The following AADACL4 variants were observed in gnomAD, a reference collection of about 807,000 sequenced individuals.
The protein encoded by AADACL4 is arylacetamide deacetylase-like 4.
In AADACL4, 9 loss-of-function variants were observed where a neutral mutation model predicts 14.1. That is an observed-to-expected ratio of 0.64 (90% CI 0.39 to 1.12). AADACL4 has a LOEUF of 1.12. Among genes scored for constraint, AADACL4 ranks in the 50% most tolerant of loss-of-function variants. AADACL4 has a pLI of 0.01. For missense variants in AADACL4, 531 were observed against 516.1 expected (o/e 1.03, Z -0.28); for synonymous variants, 188 against 201.6 (o/e 0.93, Z 0.57).
At chr1:12,658,067 CTCTT>C (rs140233824) in intron 2 of AADACL4, among the ~76,000 whole-genome samples, 14,495 of 136,522 alleles carry the variant, frequency 0.11, 1,784 homozygotes, top group African/African-American at 0.29. Flanking sequence ...CTTTCTTTTT[CTCTT>C]TCTTTCTTTC....
intron 3 of AADACL4, among the ~76,000 whole-genome samples, chr1:12,665,197 A>C (rs886130761): frequency 2.6e-5 from 4 of 151,842 alleles, no homozygotes; most frequent in Non-Finnish European, 5.9e-5. Flanking sequence ...ATGCCTAGCC[A>C]ATTCTTTTAA....
At chr1:12,661,875 G>T (rs2100769042) in intron 3 of AADACL4, 21 bp downstream of exon 3, 1 of 1,612,598 alleles carries the variant, frequency 6.2e-7, no homozygotes, top group Middle Eastern at 1.7e-4. Flanking sequence ...GGAGACAGCT[G>T]GTAGGTTCCA....
At chr1:12,658,733 G>T (rs1647203665) in intron 2 of AADACL4, among the ~76,000 whole-genome samples, 1 of 118,640 alleles carries the variant, frequency 8.4e-6, no homozygotes, top group South Asian at 2.6e-4. Context: ...CACTGATACT[G>T]CCCTGCCCTG....
chr1:12,652,097 A>T (rs1435956027), intron 2 of AADACL4, among the ~76,000 whole-genome samples: 1 of 151,874 alleles, frequency 6.6e-6, no homozygotes, highest in Non-Finnish European at 1.5e-5. Flanking sequence ...TGCTGGGATT[A>T]CAGGCGTGAG....
intron 3 of AADACL4, among the ~76,000 whole-genome samples, chr1:12,665,298 C>G (rs551180307): frequency 2.0e-5 from 3 of 152,226 alleles, no homozygotes; most frequent in Admixed American, 2.0e-4. Context: ...TCTAGGCTCA[C>G]GGCAAGCTCT....
intron 3 of AADACL4, among the ~76,000 whole-genome samples, 161 bp downstream of exon 3, chr1:12,662,015 T>C (rs1383201183): frequency 1.3e-5 from 2 of 151,862 alleles, no homozygotes; most frequent in Admixed American, 1.3e-4. Context: ...AGCAAAAACC[T>C]GAAAGCAACC....
In AADACL4 at chr1:12,661,977, C is replaced by T. The variant is rs113360928; in HGVS notation, c.449+123C>T. ...GAGGCAACTCTTGGACATGCATCCA[C>T]AGAGACAGGCGCAGCAGTGCTCGAA... On this transcript the variant is annotated intron_variant, in intron 3 of 3. Transcript: ENST00000376221. 6.2e-4 allele frequency: 670 copies of T among 1,076,834 alleles called. 4 individuals are homozygous for T. The African/African-American group carries it at 9.1e-3, about 15-fold the overall frequency. 66.7% of individuals were successfully genotyped at this position (1,076,834 alleles called of 1,614,324 possible).
intron 2 of AADACL4, among the ~76,000 whole-genome samples, chr1:12,657,356 A>G (rs1217770636): frequency 1.3e-5 from 2 of 152,056 alleles, no homozygotes; most frequent in Non-Finnish European, 2.9e-5. Context: ...CTAAGGTTGG[A>G]GCGGGACTTA....
intron 2 of AADACL4, among the ~76,000 whole-genome samples, chr1:12,653,917 A>G (rs2100761908): frequency 6.6e-6 from 1 of 152,322 alleles, no homozygotes; most frequent in African/African-American, 2.4e-5. Flanking sequence ...CAAGGATAAT[A>G]TCCACGTATT....
chr1:12,656,373 A>G (rs1647179106), intron 2 of AADACL4, among the ~76,000 whole-genome samples: 1 of 152,128 alleles, frequency 6.6e-6, no homozygotes, highest in African/African-American at 2.4e-5. Flanking sequence ...TTGCCCAGGC[A>G]TCTGTGGCCC....
At chr1:12,653,869 T>C (rs1046970727) in intron 2 of AADACL4, among the ~76,000 whole-genome samples, 3 of 152,218 alleles carry the variant, frequency 2.0e-5, no homozygotes, top group African/African-American at 7.2e-5. Context: ...AGGACCTGAA[T>C]GCCATTCTTC....
intron 2 of AADACL4, among the ~76,000 whole-genome samples, chr1:12,659,491 A>T (rs898928472): frequency 2.0e-5 from 3 of 152,228 alleles, no homozygotes; most frequent in Non-Finnish European, 4.4e-5. Flanking sequence ...CAAAACATTC[A>T]TTAATCAAGA....
intron 3 of AADACL4, among the ~76,000 whole-genome samples, chr1:12,665,643 C>T (rs1265427291): frequency 2.6e-5 from 4 of 152,202 alleles, no homozygotes; most frequent in African/African-American, 9.6e-5. Context: ...GTTTCATTTG[C>T]CTTTTTTTCA....
At position 12,650,976 on chromosome 1, in the gene AADACL4, G is replaced by T. The variant is rs944819438; in HGVS notation, c.169-147G>T. ...GCCCTCTACCTGGACACAGTCCAGAGCCTATGGATTCCTGAAGAGCCCCCT... is the reference window on the plus strand; with the variant it reads ...GCCCTCTACCTGGACACAGTCCAGATCCTATGGATTCCTGAAGAGCCCCCT... On this transcript the variant is annotated intron_variant, in intron 1 of 3. Coordinates refer to ENST00000376221, the MANE Select transcript of AADACL4 (RefSeq NM_001013630.2). 7 of 737,168 alleles carry T rather than the reference G, an allele frequency of 9.5e-6. No individual in the cohort carries two copies. In the African/African-American group the frequency reaches 1.2e-4, roughly 13 times the overall value. 45.7% of individuals were successfully genotyped at this position (737,168 alleles called of 1,614,324 possible). A position where few individuals can be genotyped will look rare whatever the true frequency, so the allele number is the denominator to read the frequency against.
chr1:12,658,135 C>CCTTCCTTCCTTT (rs1557550855), intron 2 of AADACL4, among the ~76,000 whole-genome samples: 20 of 87,376 alleles, frequency 2.3e-4, no homozygotes, highest in Admixed American at 8.9e-4. Flanking sequence ...TTCCTTCCTT[C>CCTTCCTTCCTTT]CTTCCTTTCT....
intron 1 of AADACL4, among the ~76,000 whole-genome samples, chr1:12,645,468 C>G (rs1192596462): frequency 6.6e-6 from 1 of 152,142 alleles, no homozygotes; most frequent in Non-Finnish European, 1.5e-5. Flanking sequence ...GGCTTGTGGC[C>G]TGACAGCCCC....
At chr1:12,649,853 A>C (rs866038250) in intron 1 of AADACL4, among the ~76,000 whole-genome samples, 1 of 152,198 alleles carries the variant, frequency 6.6e-6, no homozygotes, top group African/African-American at 2.4e-5. Context: ...TTGGGGTCAG[A>C]CTTGAGCTTG....
chr1:12,650,877 A>G (rs1647141012), intron 1 of AADACL4, among the ~76,000 whole-genome samples: 1 of 152,184 alleles, frequency 6.6e-6, no homozygotes, highest in Admixed American at 6.5e-5. Flanking sequence ...GTCAGCCCCA[A>G]GCTAGGCTAC....
intron 2 of AADACL4, among the ~76,000 whole-genome samples, chr1:12,658,104 TTTCTTTCCTTCC>T (rs1347859614): frequency 3.3e-5 from 3 of 90,462 alleles, no homozygotes; most frequent in African/African-American, 1.1e-4. Flanking sequence ...TCTTTCTCTC[TTTCTTTCCTTCC>T]TTCCTTCCTT....
Sources: gnomAD v4.1 joint callset for allele counts (sites outside exome capture counted in the v4.1 genomes callset) on GRCh38, gnomAD v4.1.1 for gene constraint, MANE v1.5 for transcripts, NCBI Gene and HGNC (gene_info 2026-07-23, HGNC 2026-07-21) for gene names.